Variants in STAU1 observed in about 807,000 individuals in gnomAD.
STAU1 encodes the protein double-stranded RNA-binding protein Staufen homolog 1.
Under a neutral mutation model 62.9 loss-of-function variants are expected in STAU1, and 13 were observed. The observed-to-expected ratio is 0.21, with a 90% confidence interval of 0.13 to 0.33. The LOEUF is 0.33. Ranked by LOEUF, STAU1 falls within the 10% of genes least tolerant of loss-of-function variation. STAU1 has a pLI of 1.00. For missense variants in STAU1, 571 were observed against 712.1 expected (o/e 0.80, Z 2.25); for synonymous variants, 269 against 265.1 (o/e 1.01, Z -0.14).
intron 1 of STAU1, among the ~76,000 whole-genome samples, chr20:49,184,251 G>A (rs769777931): frequency 6.6e-6 from 1 of 151,934 alleles, no homozygotes; most frequent in Non-Finnish European, 1.5e-5. Context: ...TTGCACTGCA[G>A]CCTGGGTGAC....
chr20:49,142,018 G>GT (rs1166856541), intron 5 of STAU1, among the ~76,000 whole-genome samples: 1 of 152,088 alleles, frequency 6.6e-6, no homozygotes, highest in Non-Finnish European at 1.5e-5. Context: ...GAGGCCTGGA[G>GT]TTTGAGACCA....
At position 49,135,937 on chromosome 20, in the gene STAU1, A is replaced by G; in HGVS notation, c.511-6T>C. On this transcript the variant is annotated splice_polypyrimidine_tract_variant and splice_region_variant and intron_variant, in intron 5 of 13. Transcript: ENST00000371856. ...TCGGATTCTCTTCCATTCACCTGTA[A>G]GAATAATTGTTTAGTAGTTAGCTCT... is the stretch of plus-strand genomic sequence containing the variant. The G allele has an allele frequency of 6.2e-7, 1 of 1,608,436 alleles. No individual in the cohort carries two copies.
chr20:49,189,464 G>A (rs981424082), upstream of STAU1, among the ~76,000 whole-genome samples: 1 of 150,462 alleles, frequency 6.6e-6, no homozygotes, highest in African/African-American at 2.4e-5. Context: ...GTGAAACCCC[G>A]TCTCTACTAG....
At chr20:49,133,160 A>G (rs527765807) in intron 6 of STAU1, among the ~76,000 whole-genome samples, 1 of 152,354 alleles carries the variant, frequency 6.6e-6, no homozygotes, top group South Asian at 2.1e-4. Flanking sequence ...CAGAGTTGAG[A>G]GCCAGATCTG....
chr20:49,186,208 C>T (rs2093785322), intron 1 of STAU1, among the ~76,000 whole-genome samples: 1 of 151,124 alleles, frequency 6.6e-6, no homozygotes, highest in Non-Finnish European at 1.5e-5. Context: ...TAACACGGCG[C>T]GGTGGCGGGC....
rs756689958 is a variant in STAU1 at position 49,166,083 on chromosome 20, CTAG to C, written c.116_118del (p.Thr39del). On this transcript the variant is annotated inframe_deletion, in exon 3 of 14. Transcript: ENST00000371856. ...ACCTGCATTTTCAGAGGGCAGAGAG[CTAG>C]TAGTAGAAGGAATACTCATCAAAGG... is the stretch of plus-strand genomic sequence containing the variant. The C allele has an allele frequency of 1.2e-6, 2 of 1,614,172 alleles. No individual in the cohort carries two copies. Among genetic ancestry groups the C allele is most frequent in the Non-Finnish European group, 8.5e-7 (1 of 1,180,026 alleles).
chr20:49,194,742 C>T, the STAU1 span, among the ~76,000 whole-genome samples: 1 of 151,968 alleles, frequency 6.6e-6, no homozygotes, highest in Non-Finnish European at 1.5e-5. Flanking sequence ...CTACACCTGG[C>T]TTATTTTTGC....
At chr20:49,206,719 T>TTATATATATATATATATATATATATATA in the STAU1 span, among the ~76,000 whole-genome samples, 1 of 106,058 alleles carries the variant, frequency 9.4e-6, no homozygotes, top group Non-Finnish European at 1.8e-5. Flanking sequence ...AAATGAAATT[T>TTATATATATATATATATATATATATATA]TATATATATA....
At chr20:49,114,939 A>G in intron 13 of STAU1, 46 bp from the exon 14 acceptor site, 1 of 1,589,658 alleles carries the variant, frequency 6.3e-7, no homozygotes, top group Non-Finnish European at 8.6e-7. Flanking sequence ...GAAATGTAAG[A>G]GAATTAAAGT....
intron 1 of STAU1, among the ~76,000 whole-genome samples, chr20:49,180,566 C>T (rs1044486065): frequency 2.0e-5 from 3 of 152,174 alleles, no homozygotes; most frequent in Non-Finnish European, 4.4e-5. Context: ...TCAGGTGATG[C>T]GCCTGCCTTG....
chr20:49,172,739 C>T (rs2093612853), intron 2 of STAU1, among the ~76,000 whole-genome samples: 2 of 152,178 alleles, frequency 1.3e-5, no homozygotes, highest in Middle Eastern at 3.2e-3. Flanking sequence ...ATGTAGCTTT[C>T]AATTCCACTC....
At chr20:49,185,123 G>T (rs916207858) in intron 1 of STAU1, among the ~76,000 whole-genome samples, 4 of 152,172 alleles carry the variant, frequency 2.6e-5, no homozygotes, top group African/African-American at 7.2e-5. Context: ...GGGCACTTTG[G>T]AAAACAATTC....
intron 3 of STAU1, among the ~76,000 whole-genome samples, chr20:49,156,405 G>A (rs1390641022): frequency 6.6e-6 from 1 of 152,198 alleles, no homozygotes; most frequent in Non-Finnish European, 1.5e-5. Flanking sequence ...CACTGGTAGT[G>A]TAGAATCTGT....
At chr20:49,129,351 G>A (rs530030304) in intron 6 of STAU1, among the ~76,000 whole-genome samples, 3 of 139,730 alleles carry the variant, frequency 2.1e-5, no homozygotes, top group East Asian at 2.2e-4. Context: ...GCAGTGGCGC[G>A]ATCTTGGCTC....
intron 5 of STAU1, among the ~76,000 whole-genome samples, chr20:49,137,840 T>TTTA (rs1425989072): frequency 1.7e-4 from 25 of 150,270 alleles, no homozygotes; most frequent in Non-Finnish European, 2.5e-4. Context: ...TAATTTTTTT[T>TTTA]TTTTTTTTTT....
chr20:49,177,367 C>G (rs1050834473), intron 1 of STAU1, among the ~76,000 whole-genome samples: 2 of 151,874 alleles, frequency 1.3e-5, no homozygotes, highest in Admixed American at 1.3e-4. Context: ...AAGACCCTGT[C>G]TCTATTAAAA....
chr20:49,130,729 C>A (rs1219451412), intron 6 of STAU1, among the ~76,000 whole-genome samples: 1 of 152,132 alleles, frequency 6.6e-6, no homozygotes, highest in Non-Finnish European at 1.5e-5. Context: ...ATAATCAATG[C>A]CAGCAAGAAT....
Position 49,117,364 on chromosome 20 carries a change from C to T in STAU1, c.1510-116G>A, listed in dbSNP as rs1287111852. ...ACCAGCTCTTTTTTCCAACTCAGCC[C>T]CACTGTGGCCATACTAACACCTGCC... On this transcript the variant is annotated intron_variant, in intron 11 of 13. Transcript: ENST00000371856. The surrounding 1 kb of genome is among the most constrained non-coding windows in gnomAD (Gnocchi z 4.6). 1 of 1,316,656 alleles carries T rather than the reference C, an allele frequency of 7.6e-7. No homozygotes were observed. Among genetic ancestry groups the T allele is most frequent in the East Asian group, 2.3e-5 (1 of 42,950 alleles). The allele number at this position is 1,316,656 out of a possible 1,614,324, so 81.6% of individuals were successfully genotyped here.
chr20:49,177,066 C>T (rs1050197410), intron 1 of STAU1, among the ~76,000 whole-genome samples: 6 of 152,056 alleles, frequency 3.9e-5, no homozygotes, highest in Non-Finnish European at 8.8e-5. Flanking sequence ...TGCATGCCAC[C>T]ATGCCCGGCT....
Sources: allele counts gnomAD v4.1 joint callset (sites outside exome capture counted in the v4.1 genomes callset), GRCh38; gene constraint gnomAD v4.1.1; non-coding constraint Gnocchi (gnomAD v3.1); transcripts MANE v1.5; gene names NCBI Gene and HGNC (gene_info 2026-07-23, HGNC 2026-07-21).